The following SH2D4A variants were observed in gnomAD, a reference collection of about 807,000 sequenced individuals.
SH2D4A encodes SH2 domain containing 4A.
In SH2D4A, 70 loss-of-function variants were observed where a neutral mutation model predicts 64.7. The ratio of observed to expected loss-of-function variants is 1.08; its 90% CI spans 0.89 to 1.32. The LOEUF (loss-of-function observed/expected upper bound fraction) is 1.32, where lower values mean the gene tolerates loss of function less well. SH2D4A is among the 40% of genes most tolerant of loss of function. SH2D4A has a pLI of 0.00. For missense variants in SH2D4A, 706 were observed against 540.1 expected, an observed-to-expected ratio of 1.31 and a Z score of -3.04; for synonymous variants, 268 against 200.7, an observed-to-expected ratio of 1.34 and a Z score of -2.83.
intron 4 of SH2D4A, among the ~76,000 whole-genome samples, chr8:19,342,720 G>A (rs181807349): frequency 9.2e-5 from 14 of 152,232 alleles, no homozygotes; most frequent in Middle Eastern, 3.4e-3. Flanking sequence ...AGGTAATCAC[G>A]TCTGCACCTT....
At chr8:19,370,167 G>A (rs368366149) in intron 7 of SH2D4A, among the ~76,000 whole-genome samples, 20 of 152,024 alleles carry the variant, frequency 1.3e-4, no homozygotes, top group Non-Finnish European at 2.2e-4. Flanking sequence ...TTTAAGAATT[G>A]TTTTGTGGCC....
intron 1 of SH2D4A, 104 bp from the exon 2 acceptor site, chr8:19,319,240 A>C (rs2052143105): frequency 1.2e-6 from 1 of 859,648 alleles, no homozygotes; most frequent in African/African-American, 1.8e-5. Flanking sequence ...TCTGAACTGA[A>C]AAGTGATACT....
chr8:19,319,123 G>A (rs766424033), intron 1 of SH2D4A, among the ~76,000 whole-genome samples: 1 of 150,876 alleles, frequency 6.6e-6, no homozygotes, highest in African/African-American at 2.4e-5. Flanking sequence ...ATAAAGTTAG[G>A]GTTTGTTTTC....
chr8:19,357,939 G>T (rs551812980), intron 5 of SH2D4A, among the ~76,000 whole-genome samples: 3 of 152,192 alleles, frequency 2.0e-5, no homozygotes, highest in African/African-American at 7.2e-5. Context: ...CTGAGATCGG[G>T]CTGTGGTGGA....
chr8:19,344,351 G>C (rs1323204990), intron 4 of SH2D4A, among the ~76,000 whole-genome samples: 1 of 152,036 alleles, frequency 6.6e-6, no homozygotes, highest in Non-Finnish European at 1.5e-5. Context: ...TTCCTTGCTG[G>C]GCATCAACCA....
At chr8:19,315,314 T>C (rs535017295) in intron 1 of SH2D4A, among the ~76,000 whole-genome samples, 8 of 152,258 alleles carry the variant, frequency 5.3e-5, no homozygotes, top group African/African-American at 9.6e-5. Flanking sequence ...TTTTATACTT[T>C]ATGTAGAGAC....
chr8:19,332,899 C>A, intron 2 of SH2D4A, 56 bp from the exon 3 acceptor site: 3 of 1,557,568 alleles, frequency 1.9e-6, no homozygotes, highest in Admixed American at 3.7e-5. Context: ...AAACAGTAAT[C>A]TGTGACTAAA....
At chr8:19,353,273 C>T (rs963158795) in intron 4 of SH2D4A, among the ~76,000 whole-genome samples, 2 of 152,124 alleles carry the variant, frequency 1.3e-5, no homozygotes, top group African/African-American at 2.4e-5. Flanking sequence ...TTCATCCTGC[C>T]TCTAGGAGTG....
intron 4 of SH2D4A, among the ~76,000 whole-genome samples, chr8:19,345,604 C>G (rs1308545017): frequency 6.6e-6 from 1 of 152,228 alleles, no homozygotes; most frequent in African/African-American, 2.4e-5. Context: ...CTGGTTTTCA[C>G]TACAGCCCTC....
At chr8:19,358,641 G>T (rs2052831288) in intron 5 of SH2D4A, among the ~76,000 whole-genome samples, 1 of 152,194 alleles carries the variant, frequency 6.6e-6, no homozygotes, top group Admixed American at 6.5e-5. Flanking sequence ...CTGATCATTT[G>T]AGAGAATGAA....
intron 4 of SH2D4A, 53 bp downstream of exon 4, chr8:19,334,910 G>T: frequency 6.5e-7 from 1 of 1,536,596 alleles, no homozygotes; most frequent in Non-Finnish European, 8.7e-7. Flanking sequence ...GGGAGAAAAA[G>T]CTATTGAGGC....
At chr8:19,352,545 G>C (rs943966038) in intron 4 of SH2D4A, among the ~76,000 whole-genome samples, 2 of 152,174 alleles carry the variant, frequency 1.3e-5, no homozygotes, top group African/African-American at 2.4e-5. Flanking sequence ...TCTGCTCATA[G>C]AGCTCCAGCA....
chr8:19,321,261 T>C (rs2052186639), intron 2 of SH2D4A, among the ~76,000 whole-genome samples: 1 of 152,192 alleles, frequency 6.6e-6, no homozygotes, highest in African/African-American at 2.4e-5. Flanking sequence ...TCGCCCTGGT[T>C]GGAGTGCAGT....
At chr8:19,388,358 C>T (rs144729208) in intron 8 of SH2D4A, among the ~76,000 whole-genome samples, 1 of 152,316 alleles carries the variant, frequency 6.6e-6, no homozygotes, top group African/African-American at 2.4e-5. Flanking sequence ...AGTGGAAGCA[C>T]ATTGAACAGT....
intron 4 of SH2D4A, among the ~76,000 whole-genome samples, chr8:19,338,453 T>C (rs1171635008): frequency 6.6e-6 from 1 of 152,188 alleles, no homozygotes; most frequent in Non-Finnish European, 1.5e-5. Flanking sequence ...GACGTTGAGA[T>C]GGAAGATTAT....
chr8:19,332,413 A>T (rs2052376247), intron 2 of SH2D4A, among the ~76,000 whole-genome samples: 1 of 152,104 alleles, frequency 6.6e-6, no homozygotes, highest in Admixed American at 6.6e-5. Context: ...AGGTGGGTGG[A>T]TCACGAGGTC....
At chr8:19,372,488 G>T (rs971068586) in intron 7 of SH2D4A, among the ~76,000 whole-genome samples, 1 of 152,160 alleles carries the variant, frequency 6.6e-6, no homozygotes, top group Non-Finnish European at 1.5e-5. Flanking sequence ...GGTGGGAGGG[G>T]ATGGAGCTGA....
At chr8:19,317,002 C>T (rs2052099912) in intron 1 of SH2D4A, among the ~76,000 whole-genome samples, 2 of 152,188 alleles carry the variant, frequency 1.3e-5, no homozygotes, top group African/African-American at 4.8e-5. Context: ...AGGAATATGA[C>T]TTTGACACTT....
intron 8 of SH2D4A, among the ~76,000 whole-genome samples, chr8:19,389,967 T>G (rs1438960562): frequency 6.6e-6 from 1 of 152,196 alleles, no homozygotes; most frequent in African/African-American, 2.4e-5. Flanking sequence ...AGAGGGCAGG[T>G]CAGAGGGAAG....
Sources: gnomAD v4.1 joint callset for allele counts (sites outside exome capture counted in the v4.1 genomes callset) on GRCh38, gnomAD v4.1.1 for gene constraint, MANE v1.5 for transcripts, NCBI Gene and HGNC (gene_info 2026-07-23, HGNC 2026-07-21) for gene names.